Variants in LRRC69 observed in about 807,000 individuals in gnomAD.
LRRC69 encodes leucine-rich repeat-containing protein 69.
Under a neutral mutation model 37.8 loss-of-function variants are expected in LRRC69, and 42 were observed. The observed-to-expected ratio is 1.11, with a 90% CI of 0.87 to 1.44. The LOEUF (loss-of-function observed/expected upper bound fraction) is 1.44, where lower values mean the gene tolerates loss of function less well. Among genes scored for constraint, LRRC69 ranks in the 40% most tolerant of loss-of-function variants. The probability of loss-of-function intolerance (pLI) is 0.00; values close to 1 mark genes in which losing one functional copy is unlikely to be tolerated. For missense variants in LRRC69, 357 were observed against 401.9 expected (o/e 0.89, Z 0.96); for synonymous variants, 141 against 143.1 (o/e 0.99, Z 0.11).
At chr8:91,194,770 T>A (rs893038931) in intron 6 of LRRC69, among the ~76,000 whole-genome samples, 2 of 152,204 alleles carry the variant, frequency 1.3e-5, no homozygotes, top group Non-Finnish European at 2.9e-5. Flanking sequence ...GTCTATCTAT[T>A]TTGTTGATCC....
chr8:91,137,042 C>T (rs1319470460), intron 5 of LRRC69, among the ~76,000 whole-genome samples: 2 of 152,106 alleles, frequency 1.3e-5, no homozygotes, highest in East Asian at 3.9e-4. Context: ...TGTTCTTTAT[C>T]TGCTTTCAGT....
chr8:91,139,089 T>G (rs1380820403), intron 5 of LRRC69: 1 of 151,856 alleles, frequency 6.6e-6, no homozygotes, highest in Non-Finnish European at 1.5e-5. Context: ...TTTATGAACA[T>G]GTAGTCAGAT....
intron 2 of LRRC69, chr8:91,124,871 A>G: frequency 3.3e-6 from 1 of 299,262 alleles, no homozygotes; most frequent in Non-Finnish European, 6.1e-6. Flanking sequence ...TAGAATCAGT[A>G]TAAAGTCAGA....
intron 6 of LRRC69, among the ~76,000 whole-genome samples, chr8:91,189,899 C>G (rs767519946): frequency 2.3e-4 from 35 of 152,202 alleles, no homozygotes; most frequent in Admixed American, 3.9e-4. Flanking sequence ...TTAGCCTTTT[C>G]AGTGTTATTT....
At chr8:91,161,262 G>T (rs1808939655) in intron 5 of LRRC69, among the ~76,000 whole-genome samples, 1 of 151,194 alleles carries the variant, frequency 6.6e-6, no homozygotes, top group South Asian at 2.1e-4. Flanking sequence ...TTTTCTTGTT[G>T]TTGTTGTGTC....
At chr8:91,203,109 A>T (rs1489917064) in intron 7 of LRRC69, among the ~76,000 whole-genome samples, 1 of 151,978 alleles carries the variant, frequency 6.6e-6, no homozygotes, top group Non-Finnish European at 1.5e-5. Flanking sequence ...TAAGTATGAG[A>T]CTCCTGCAAA....
At chr8:91,183,881 GGTTT>G (rs1809363308) in intron 5 of LRRC69, among the ~76,000 whole-genome samples, 1 of 152,150 alleles carries the variant, frequency 6.6e-6, no homozygotes, top group African/African-American at 2.4e-5. Flanking sequence ...GACCCAGAAA[GGTTT>G]TGTAAGATAT....
chr8:91,127,687 C>T (rs1293109639), intron 3 of LRRC69, among the ~76,000 whole-genome samples: 2 of 148,892 alleles, frequency 1.3e-5, no homozygotes, highest in Non-Finnish European at 3.0e-5. Flanking sequence ...CTGGAGCCAG[C>T]TGAGAGCCTT....
rs540260017 is a variant in LRRC69 at position 91,117,152 on chromosome 8, TA to T, written c.184-7340del. Among the ~76,000 whole-genome samples, 631 of 152,128 alleles carry T rather than the reference TA, an allele frequency of 4.1e-3. 11 individuals are homozygous for T. The highest frequency in any genetic ancestry group is 0.01 in the Middle Eastern group (3 of 292). On this transcript the variant is annotated intron_variant, in intron 1 of 7. Transcript: ENST00000448384. ...TATCTACAGGGAGGTTGGAAACATTTAGGATATACTGGGTAGAGAAATTATA... is the reference window on the plus strand; with the variant it reads ...TATCTACAGGGAGGTTGGAAACATTTGGATATACTGGGTAGAGAAATTATA...
chr8:91,186,387 G>C (rs1809408124), intron 5 of LRRC69, among the ~76,000 whole-genome samples: 1 of 152,132 alleles, frequency 6.6e-6, no homozygotes, highest in Admixed American at 6.6e-5. Flanking sequence ...AAGCTTAGAG[G>C]GGTGACATTT....
chr8:91,152,351 A>G (rs1332192780), intron 5 of LRRC69, among the ~76,000 whole-genome samples: 2 of 151,714 alleles, frequency 1.3e-5, no homozygotes, highest in Non-Finnish European at 2.9e-5. Context: ...ACATATGGCT[A>G]GCCAGTTTTC....
At chr8:91,218,987 T>C in exon 8 of LRRC69, 1 of 1,548,206 alleles carries the variant, frequency 6.5e-7, no homozygotes, top group Non-Finnish European at 8.7e-7. Context: ...CTCTTTGGAA[T>C]TGCTCAGGTG....
At chr8:91,205,433 G>C (rs1002777766) in intron 7 of LRRC69, 2 of 152,192 alleles carry the variant, frequency 1.3e-5, no homozygotes, top group Non-Finnish European at 2.9e-5. Context: ...CCTGATGTCA[G>C]GTATTTACAC....
chr8:91,115,512 G>C (rs1813495951), intron 1 of LRRC69, among the ~76,000 whole-genome samples: 1 of 151,894 alleles, frequency 6.6e-6, no homozygotes, highest in Non-Finnish European at 1.5e-5. Flanking sequence ...AAAATACTGT[G>C]TCTATTAGTC....
At chr8:91,103,987 C>T (rs940360840) in intron 1 of LRRC69, among the ~76,000 whole-genome samples, 1 of 151,898 alleles carries the variant, frequency 6.6e-6, no homozygotes, top group African/African-American at 2.4e-5. Context: ...TCTTCTATCC[C>T]ACTTCCCCTC....
chr8:91,118,179 G>A (rs1365583491), intron 1 of LRRC69: 1 of 455,376 alleles, frequency 2.2e-6, no homozygotes, highest in Non-Finnish European at 4.4e-6. Context: ...TTGCCCACCT[G>A]CATTCTGTAT....
exon 1 of LRRC69, chr8:91,102,791 C>T: frequency 6.4e-7 from 1 of 1,551,888 alleles, no homozygotes; most frequent in Non-Finnish European, 8.7e-7. Flanking sequence ...GACTCTAGTC[C>T]TTCAGAATAA....
intron 5 of LRRC69, among the ~76,000 whole-genome samples, chr8:91,142,117 C>T (rs144361983): frequency 9.0e-4 from 136 of 151,622 alleles, no homozygotes; most frequent in African/African-American, 3.2e-3. Flanking sequence ...CTCCTCTTTC[C>T]CTCAGGAGCC....
At chr8:91,121,277 C>T (rs143221051) in intron 1 of LRRC69, among the ~76,000 whole-genome samples, 1 of 152,040 alleles carries the variant, frequency 6.6e-6, no homozygotes, top group African/African-American at 2.4e-5. Flanking sequence ...CAGGATGATC[C>T]TGTTAAAACA....
Sources: allele counts gnomAD v4.1 joint callset (sites outside exome capture counted in the v4.1 genomes callset), GRCh38; gene constraint gnomAD v4.1.1; transcripts MANE v1.5; gene names NCBI Gene and HGNC (gene_info 2026-07-23, HGNC 2026-07-21).